The following PICALM variants were observed in gnomAD, a reference collection of about 807,000 sequenced individuals.
PICALM encodes the protein phosphatidylinositol-binding clathrin assembly protein.
PICALM carries 40 observed loss-of-function variants against 80.5 expected under a neutral mutation model. The ratio of observed to expected loss-of-function variants is 0.50; its 90% CI spans 0.39 to 0.65. PICALM has a LOEUF of 0.65. Ranked by LOEUF, PICALM falls within the 30% of genes least tolerant of loss-of-function variation. The probability of loss-of-function intolerance (pLI) is 0.00; values close to 1 mark genes in which losing one functional copy is unlikely to be tolerated. For missense variants in PICALM, 676 were observed against 778.9 expected (o/e 0.87, Z 1.57); for synonymous variants, 288 against 260.3 (o/e 1.11, Z -1.02).
chr11:86,022,736 A>G (rs192869288), intron 3 of PICALM, among the ~76,000 whole-genome samples: 7 of 152,016 alleles, frequency 4.6e-5, no homozygotes, highest in African/African-American at 1.7e-4. Context: ...TATTCTCTCA[A>G]TATTCCTATT....
chr11:86,016,950 G>A (rs902881209), intron 4 of PICALM, among the ~76,000 whole-genome samples: 4 of 152,282 alleles, frequency 2.6e-5, no homozygotes, highest in East Asian at 1.9e-4. Flanking sequence ...GGCTGGGCGC[G>A]TTGGCTCACG....
rs1326570090 is a variant in PICALM, at chr11:86,001,173, C to G, written c.894-15G>C. The G allele has an allele frequency of 6.2e-7, 1 of 1,610,810 alleles. No homozygotes were observed. Among genetic ancestry groups the G allele is most frequent in the South Asian group, 1.1e-5 (1 of 90,594 alleles). On this transcript the variant is annotated splice_polypyrimidine_tract_variant and intron_variant, in intron 9 of 19. Transcript: ENST00000393346. The stretch of plus-strand genomic sequence containing the variant: ...GTGTAGTTGCCCTAGGATAATTGAA[C>G]AGAGATAATTTGGCTTTTTGCTAAA...
intron 1 of PICALM, among the ~76,000 whole-genome samples, chr11:86,063,945 T>C (rs2096406864): frequency 6.6e-6 from 1 of 152,184 alleles, no homozygotes; most frequent in African/African-American, 2.4e-5. Context: ...TTCTACTTTA[T>C]TTCTTCCTTA....
chr11:85,968,586 C>G (rs928704882), intron 19 of PICALM, among the ~76,000 whole-genome samples: 1 of 152,130 alleles, frequency 6.6e-6, no homozygotes, highest in East Asian at 1.9e-4. Context: ...TGTCTTCATG[C>G]TTAATAACAT....
At position 86,043,349 on chromosome 11, in the gene PICALM, C is replaced by T. The variant is rs1460582815; in HGVS notation, c.131-11738G>A. On this transcript the variant is annotated intron_variant, in intron 1 of 19. Transcript: ENST00000393346. The stretch of plus-strand genomic sequence containing the variant: ...ATCTCTGCTTCTGTTTTTTTCACCC[C>T]GGGAAACTCATCTAATTTCTTAACC... Among the ~76,000 whole-genome samples the T allele has an allele frequency of 3.9e-5, 6 of 152,178 alleles. No individual in the cohort carries two copies. The East Asian group carries it at 7.7e-4, about 20-fold the overall frequency.
intron 19 of PICALM, 65 bp downstream of exon 19, chr11:85,974,643 G>A (rs2094216604): frequency 9.5e-7 from 1 of 1,051,024 alleles, no homozygotes; most frequent in East Asian, 2.4e-5. Context: ...GTACAAAAGG[G>A]TTTTATAGTA....
chr11:85,996,594 C>T (rs1446356930), intron 12 of PICALM, among the ~76,000 whole-genome samples: 1 of 152,120 alleles, frequency 6.6e-6, no homozygotes, highest in Non-Finnish European at 1.5e-5. Flanking sequence ...CTTCCTCTTA[C>T]ATTTAGTTTT....
chr11:86,053,406 C>G (rs2096222065), intron 1 of PICALM, among the ~76,000 whole-genome samples: 1 of 152,158 alleles, frequency 6.6e-6, no homozygotes, highest in Non-Finnish European at 1.5e-5. Context: ...CCTGACTATC[C>G]ACATTGCTGG....
At chr11:86,008,937 G>GAA (rs746652034) in intron 7 of PICALM, among the ~76,000 whole-genome samples, 35 of 56,030 alleles carry the variant, frequency 6.2e-4, no homozygotes, top group East Asian at 3.1e-3. Flanking sequence ...CCAGAAAAAG[G>GAA]AAAAAAAAAA....
At chr11:86,042,187 G>C (rs747554673) in intron 1 of PICALM, among the ~76,000 whole-genome samples, 4 of 152,090 alleles carry the variant, frequency 2.6e-5, no homozygotes, top group Non-Finnish European at 5.9e-5. Flanking sequence ...TTCCATTCTA[G>C]TACTCTAAAG....
intron 19 of PICALM, among the ~76,000 whole-genome samples, chr11:85,967,175 A>T (rs1235177496): frequency 1.3e-5 from 2 of 152,200 alleles, no homozygotes; most frequent in Non-Finnish European, 2.9e-5. Flanking sequence ...TTTACAAGAA[A>T]AAGTTAAAGT....
At chr11:86,051,330 C>T (rs2096182586) in intron 1 of PICALM, among the ~76,000 whole-genome samples, 1 of 152,198 alleles carries the variant, frequency 6.6e-6, no homozygotes, top group Non-Finnish European at 1.5e-5. Context: ...CAGTACCCTA[C>T]ATTCCAGTTA....
At chr11:85,994,116 C>G (rs1229213570) in intron 12 of PICALM, among the ~76,000 whole-genome samples, 1 of 152,026 alleles carries the variant, frequency 6.6e-6, no homozygotes, top group Non-Finnish European at 1.5e-5. Flanking sequence ...TACACCTAAA[C>G]TAAAATCTGA....
chr11:86,015,147 C>T (rs746766451), intron 4 of PICALM, among the ~76,000 whole-genome samples, 184 bp from the exon 5 acceptor site: 9 of 151,956 alleles, frequency 5.9e-5, no homozygotes, highest in African/African-American at 2.2e-4. Flanking sequence ...AAACAGGCAA[C>T]ACAATATGTC....
At position 85,959,017 on chromosome 11, in the gene PICALM, T is replaced by C. The variant is rs765719883; in HGVS notation, c.*29A>G. 1 of 1,575,992 alleles carries C rather than the reference T, an allele frequency of 6.3e-7. No homozygotes were observed. Among genetic ancestry groups the C allele is most frequent in the Non-Finnish European group, 8.7e-7 (1 of 1,153,236 alleles). ...TTTTGCTGCTTGAGCACTTGTCTTT[T>C]TGGAGTAATTCCATTTTCTTCCATC... On this transcript the variant is annotated 3_prime_UTR_variant, in exon 20 of 20. Coordinates refer to ENST00000393346, the MANE Select transcript of PICALM (RefSeq NM_007166.4).
At chr11:86,003,180 G>A (rs1299363607) in intron 9 of PICALM, among the ~76,000 whole-genome samples, 186 bp downstream of exon 9, 1 of 152,120 alleles carries the variant, frequency 6.6e-6, no homozygotes, top group East Asian at 1.9e-4. Flanking sequence ...ACAATTTCAA[G>A]AATTTGCATG....
intron 18 of PICALM, among the ~76,000 whole-genome samples, chr11:85,975,596 T>TC (rs1330214426): frequency 1.6e-3 from 225 of 140,002 alleles, no homozygotes; most frequent in African/African-American, 5.6e-3. Flanking sequence ...AGCAGACTTT[T>TC]TTTTTTTTTT....
intron 1 of PICALM, among the ~76,000 whole-genome samples, chr11:86,059,829 C>T (rs887501963): frequency 3.3e-5 from 5 of 150,984 alleles, no homozygotes; most frequent in African/African-American, 1.2e-4. Context: ...ACAATTGATA[C>T]CTAACCTGCC....
intron 1 of PICALM, among the ~76,000 whole-genome samples, chr11:86,038,983 C>T (rs1009706578): frequency 4.6e-5 from 7 of 151,100 alleles, no homozygotes; most frequent in African/African-American, 1.5e-4. Context: ...GGTGACAACA[C>T]GACTGTAATC....
Sources: allele counts gnomAD v4.1 joint callset (sites outside exome capture counted in the v4.1 genomes callset), GRCh38; gene constraint gnomAD v4.1.1; transcripts MANE v1.5; gene names NCBI Gene and HGNC (gene_info 2026-07-23, HGNC 2026-07-21).